CARMIL1: variants seen among roughly 807,000 people sequenced by gnomAD.
CARMIL1 encodes the protein F-actin-uncapping protein LRRC16A.
CARMIL1 carries 90 observed loss-of-function variants against 177.1 expected under a neutral mutation model. The ratio of observed to expected loss-of-function variants is 0.51; its 90% CI spans 0.43 to 0.61. CARMIL1 has a LOEUF of 0.61. Among genes scored for constraint, CARMIL1 ranks in the 20% least tolerant of loss-of-function variants. The probability of loss-of-function intolerance (pLI) is 0.00; values close to 1 mark genes in which losing one functional copy is unlikely to be tolerated. For missense variants in CARMIL1, 1,380 were observed against 1,667.0 expected, an observed-to-expected ratio of 0.83 and a Z score of 3.00; for synonymous variants, 577 against 606.2, an observed-to-expected ratio of 0.95 and a Z score of 0.71.
chr6:25,371,771 A>G (rs1790450419), intron 2 of CARMIL1, among the ~76,000 whole-genome samples: 1 of 152,014 alleles, frequency 6.6e-6, no homozygotes. Flanking sequence ...ATTAGGTTCT[A>G]TTTATTTATT....
chr6:25,341,503 C>T (rs1037028261), intron 2 of CARMIL1, among the ~76,000 whole-genome samples: 1 of 152,182 alleles, frequency 6.6e-6, no homozygotes, highest in Admixed American at 6.5e-5. Flanking sequence ...GCGGGTGGAT[C>T]ACCTGAGGTC....
chr6:25,281,963 A>C (rs1781152573), intron 1 of CARMIL1, among the ~76,000 whole-genome samples: 1 of 151,872 alleles, frequency 6.6e-6, no homozygotes, highest in Admixed American at 6.6e-5. Context: ...AAAAATACAA[A>C]AATTAGCTGG....
In CARMIL1 at chr6:25,539,935, T is replaced by C; in HGVS notation, c.2197-12T>C. On this transcript the variant is annotated splice_polypyrimidine_tract_variant and intron_variant, in intron 25 of 36. Coordinates refer to ENST00000329474, the MANE Select transcript of CARMIL1 (RefSeq NM_017640.6). ...CCAATTCTAAAGAGGTTATTTTTTA[T>C]TTCTCTTACAGTTGTTACCAAATTT... 1 of 1,550,842 alleles carries C rather than the reference T, an allele frequency of 6.4e-7. No homozygotes were observed. The highest frequency in any genetic ancestry group is 8.7e-7 in the Non-Finnish European group (1 of 1,153,310).
chr6:25,395,936 TATG>T (rs1408163174), intron 2 of CARMIL1, among the ~76,000 whole-genome samples: 1 of 152,226 alleles, frequency 6.6e-6, no homozygotes, highest in Non-Finnish European at 1.5e-5. Flanking sequence ...GTGACTTCCA[TATG>T]TCACAGATCT....
chr6:25,448,545 A>G (rs1798459360), intron 5 of CARMIL1, among the ~76,000 whole-genome samples: 1 of 152,086 alleles, frequency 6.6e-6, no homozygotes, highest in Non-Finnish European at 1.5e-5. Context: ...GATATATTTT[A>G]TACCAAAGAG....
At chr6:25,338,302 C>T (rs2690083) in intron 2 of CARMIL1, among the ~76,000 whole-genome samples, 64,901 of 151,394 alleles carry the variant, frequency 0.43, 14,100 homozygotes, top group African/African-American at 0.51. Flanking sequence ...AAAAAAGGGG[C>T]ACTGTATTTT....
At chr6:25,459,248 T>TTCTTTCTTTCTTTCTTTCTTTC (rs1799844366) in intron 8 of CARMIL1, among the ~76,000 whole-genome samples, 2 of 117,098 alleles carry the variant, frequency 1.7e-5, no homozygotes, top group African/African-American at 6.2e-5. Context: ...CTTTCTTTCT[T>TTCTTTCTTTCTTTCTTTCTTTC]TCTTTCTTTC....
intron 16 of CARMIL1, among the ~76,000 whole-genome samples, chr6:25,496,729 G>A (rs569245575): frequency 4.7e-4 from 71 of 152,234 alleles, no homozygotes; most frequent in African/African-American, 1.7e-3. Flanking sequence ...CATCTACAGT[G>A]TGCTAGACAC....
chr6:25,292,318 C>T (rs1004846830), intron 2 of CARMIL1, among the ~76,000 whole-genome samples: 6 of 152,144 alleles, frequency 3.9e-5, no homozygotes, highest in East Asian at 3.8e-4. Context: ...GAAAATTGAG[C>T]TTTAGAAAAC....
chr6:25,598,108 T>A (rs1244562549), intron 32 of CARMIL1, among the ~76,000 whole-genome samples: 2 of 152,122 alleles, frequency 1.3e-5, no homozygotes, highest in African/African-American at 4.8e-5. Flanking sequence ...TTAATTTTTT[T>A]AAAAAACCAA....
chr6:25,576,740 A>G (rs1413241503), intron 29 of CARMIL1, among the ~76,000 whole-genome samples: 1 of 152,102 alleles, frequency 6.6e-6, no homozygotes, highest in Non-Finnish European at 1.5e-5. Flanking sequence ...AGTTTCTGAA[A>G]TTTTTCAAGC....
At chr6:25,556,640 C>T (rs982119166) in intron 28 of CARMIL1, 61 bp from the exon 29 acceptor site, 147 of 1,508,422 alleles carry the variant, frequency 9.7e-5, no homozygotes, top group Non-Finnish European at 1.3e-4. Flanking sequence ...CTTCAGGAAT[C>T]CTGCTAACCA....
At position 25,577,638 on chromosome 6, in the gene CARMIL1, A is replaced by T. The variant is rs1392484869; in HGVS notation, c.2743-3286A>T. 1.3e-5 allele frequency among the ~76,000 whole-genome samples: 2 copies of T among 152,162 alleles called. No individual in the cohort carries two copies. The highest frequency in any genetic ancestry group is 3.9e-4 in the East Asian group (2 of 5,192). On this transcript the variant is annotated intron_variant, in intron 29 of 36. Coordinates refer to ENST00000329474, the MANE Select transcript of CARMIL1 (RefSeq NM_017640.6). This position sits in a 1 kb window ranked among gnomAD's most constrained non-coding sequence, Gnocchi z 4.5. ...AAAAAAAAGTATGTCTAGGAATTAC[A>T]TGTTAAAAGTGGGTTTGACAGGAAA... is the stretch of plus-strand genomic sequence containing the variant.
At chr6:25,609,364 G>A (rs1263605779) in intron 35 of CARMIL1, among the ~76,000 whole-genome samples, 1 of 151,852 alleles carries the variant, frequency 6.6e-6, no homozygotes, top group Non-Finnish European at 1.5e-5. Flanking sequence ...TACTTGGGAG[G>A]CTGAGGCAGG....
At chr6:25,310,559 G>A (rs750690705) in intron 2 of CARMIL1, among the ~76,000 whole-genome samples, 8 of 152,194 alleles carry the variant, frequency 5.3e-5, no homozygotes, top group Non-Finnish European at 1.0e-4. Context: ...CTAGCAAATT[G>A]TGACGTAAGA....
In CARMIL1 at chr6:25,326,947, G is replaced by A. The variant is rs555171296; in HGVS notation, c.138+42038G>A. ...GTGATGAGGGAGACTGGTGGGGGTA[G>A]CAAAAGGACATAACTTTTGAACACA... On this transcript the variant is annotated intron_variant, in intron 2 of 36. Coordinates refer to ENST00000329474, the MANE Select transcript of CARMIL1 (RefSeq NM_017640.6). The surrounding 1 kb of genome is among the most constrained non-coding windows in gnomAD (Gnocchi z 4.2). 6.6e-6 allele frequency among the ~76,000 whole-genome samples: 1 copy of A among 152,110 alleles called. No homozygotes were observed. Among genetic ancestry groups the A allele is most frequent in the South Asian group, 2.1e-4 (1 of 4,820 alleles).
intron 5 of CARMIL1, among the ~76,000 whole-genome samples, chr6:25,441,337 A>ATATATATATATATATG: frequency 0.03 from 2,854 of 94,332 alleles, 57 homozygotes; most frequent in Non-Finnish European, 0.044. Context: ...ATATATATAT[A>ATATATATATATATATG]TGTGTGTGTG....
At chr6:25,455,220 A>C (rs1050251333) in intron 8 of CARMIL1, among the ~76,000 whole-genome samples, 1 of 152,236 alleles carries the variant, frequency 6.6e-6, no homozygotes, top group African/African-American at 2.4e-5. Context: ...TGTGAACTTC[A>C]TATTACAGCT....
chr6:25,347,767 A>C (rs998769301), intron 2 of CARMIL1, among the ~76,000 whole-genome samples: 1 of 152,246 alleles, frequency 6.6e-6, no homozygotes, highest in Non-Finnish European at 1.5e-5. Flanking sequence ...ACTATTAACT[A>C]AACTGCAGAC....
Sources: allele counts gnomAD v4.1 joint callset (sites outside exome capture counted in the v4.1 genomes callset), GRCh38; gene constraint gnomAD v4.1.1; non-coding constraint Gnocchi (gnomAD v3.1); transcripts MANE v1.5; gene names NCBI Gene and HGNC (gene_info 2026-07-23, HGNC 2026-07-21).